The following GLG1 variants were observed in gnomAD, a reference collection of about 807,000 sequenced individuals.
The protein encoded by GLG1 is Golgi apparatus protein 1.
Under a neutral mutation model 160.5 loss-of-function variants are expected in GLG1, and 38 were observed. The ratio of observed to expected loss-of-function variants is 0.24; its 90% CI spans 0.18 to 0.31. The LOEUF (loss-of-function observed/expected upper bound fraction) is 0.31, where lower values mean the gene tolerates loss of function less well. Ranked by LOEUF, GLG1 falls within the 10% of genes least tolerant of loss-of-function variation. The pLI, the probability that GLG1 is intolerant of heterozygous loss-of-function variation, is 1.00. For synonymous variants in GLG1, 644 were observed against 543.4 expected (o/e 1.19, Z -2.57); for missense variants, 1,373 against 1,505.2 (o/e 0.91, Z 1.45).
chr16:74,573,660 C>T (rs2018903119), intron 1 of GLG1, among the ~76,000 whole-genome samples: 1 of 150,058 alleles, frequency 6.7e-6, no homozygotes, highest in African/African-American at 2.5e-5. Context: ...GGCTCAGCTT[C>T]CCCAGTAGCT....
chr16:74,458,532 A>T (rs1165605065), intron 23 of GLG1, among the ~76,000 whole-genome samples: 2 of 152,128 alleles, frequency 1.3e-5, no homozygotes, highest in East Asian at 1.9e-4. Flanking sequence ...AAAAAAAATT[A>T]GCTGGGCATA....
intron 1 of GLG1, among the ~76,000 whole-genome samples, chr16:74,563,621 C>T (rs896859357): frequency 6.7e-6 from 1 of 149,796 alleles, no homozygotes; most frequent in Non-Finnish European, 1.5e-5. Flanking sequence ...CAGCTATTTG[C>T]GAGGCTGAGG....
At chr16:74,463,510 A>G (rs2014882450) in intron 19 of GLG1, 31 bp from the exon 20 acceptor site, 1 of 1,610,498 alleles carries the variant, frequency 6.2e-7, no homozygotes, top group Non-Finnish European at 8.5e-7. Flanking sequence ...AAAAACAGCT[A>G]TCTAAACATG....
At chr16:74,463,147 T>G in intron 20 of GLG1, 1 of 560,938 alleles carries the variant, frequency 1.8e-6, no homozygotes, top group South Asian at 2.6e-5. Context: ...TTAGGGCAGT[T>G]TTCTGGTTCT....
In GLG1 at chr16:74,469,967, C is replaced by T. The variant is rs780793079; in HGVS notation, c.2318+18G>A. On this transcript the variant is annotated intron_variant, in intron 16 of 25. Coordinates refer to ENST00000422840, the MANE Select transcript of GLG1 (RefSeq NM_001145667.2). The stretch of plus-strand genomic sequence containing the variant: ...GGAACTTCGGGAAAGTGGAATGAAA[C>T]AACTACAAGCTACATACTTCTTTTT... 6.8e-7 allele frequency: 1 copy of T among 1,466,374 alleles called. No homozygotes were observed. The highest frequency in any genetic ancestry group is 9.6e-7 in the Non-Finnish European group (1 of 1,044,966). 90.8% of individuals were successfully genotyped at this position (1,466,374 alleles called of 1,614,324 possible).
chr16:74,589,283 A>C lies in GLG1; in HGVS notation c.438+17374T>G, dbSNP rs556304454. On this transcript the variant is annotated intron_variant, in intron 1 of 25. Transcript: ENST00000422840. ...AAAAAAAAAAAAGAACAATTATGTT[A>C]AACCATATGAAAATGTTTTTATAAG... 3.9e-5 allele frequency among the ~76,000 whole-genome samples: 6 copies of C among 152,240 alleles called. No individual in the cohort carries two copies. The South Asian group carries it at 6.2e-4, about 16-fold the overall frequency.
In GLG1 at chr16:74,467,682, A is replaced by G. The variant is rs540908476; in HGVS notation, c.2529+74T>C. 1.1e-5 allele frequency: 11 copies of G among 1,002,466 alleles called. No homozygotes were observed. In the African/African-American group the frequency reaches 1.4e-4, roughly 13 times the overall value. 62.1% of individuals were successfully genotyped at this position (1,002,466 alleles called of 1,614,324 possible). ...ATGACTAAAATGTTACCTTATGGGC[A>G]CTAGCTTTTGAGAAAACATTAAATA... On this transcript the variant is annotated intron_variant, in intron 18 of 25. Transcript: ENST00000422840.
chr16:74,564,361 G>A (rs1424942939), intron 1 of GLG1, among the ~76,000 whole-genome samples: 2 of 152,132 alleles, frequency 1.3e-5, no homozygotes, highest in Non-Finnish European at 2.9e-5. Flanking sequence ...GATTTTAGTT[G>A]GTTTGGTTCA....
chr16:74,569,507 C>A (rs1489870014), intron 1 of GLG1, among the ~76,000 whole-genome samples: 1 of 152,166 alleles, frequency 6.6e-6, no homozygotes, highest in East Asian at 1.9e-4. Flanking sequence ...GTTTCAAATA[C>A]ATCTCTAACA....
chr16:74,462,358 C>G (rs1490080970), intron 21 of GLG1, 130 bp downstream of exon 21: 3 of 892,134 alleles, frequency 3.4e-6, no homozygotes, highest in Non-Finnish European at 5.3e-6. Flanking sequence ...GGCCCCTTAG[C>G]CCCCCAGGTT....
rs890150995 is a variant in GLG1, at chr16:74,456,511, C to T, written c.3372+138G>A. ...TGCTAGTCTCACAATAAGGACAAGACCAGTGCGATATCTAAAAGAGGCTGG... is the reference window on the plus strand; with the variant it reads ...TGCTAGTCTCACAATAAGGACAAGATCAGTGCGATATCTAAAAGAGGCTGG... On this transcript the variant is annotated intron_variant, in intron 25 of 25. Coordinates refer to ENST00000422840, the MANE Select transcript of GLG1 (RefSeq NM_001145667.2). 3 of 668,540 alleles carry T rather than the reference C, an allele frequency of 4.5e-6. No individual in the cohort carries two copies. In the East Asian group the frequency reaches 7.9e-5, roughly 18 times the overall value. The allele number at this position is 668,540 out of a possible 1,614,324, so 41.4% of individuals were successfully genotyped here.
chr16:74,453,376 G>A, intron 25 of GLG1, 42 bp from the exon 26 acceptor site: 2 of 1,392,724 alleles, frequency 1.4e-6, no homozygotes, highest in Non-Finnish European at 2.0e-6. Flanking sequence ...AGAGAGCACT[G>A]GGCTGGTGGC....
intron 2 of GLG1, among the ~76,000 whole-genome samples, chr16:74,516,214 A>T (rs923148981): frequency 4.0e-5 from 6 of 151,816 alleles, no homozygotes; most frequent in African/African-American, 1.2e-4. Flanking sequence ...CCTAATAGAC[A>T]TCTACAGAAC....
At chr16:74,532,576 T>C (rs2549063) in intron 1 of GLG1, among the ~76,000 whole-genome samples, 103,070 of 151,720 alleles carry the variant, frequency 0.68, 35,259 homozygotes, top group East Asian at 0.81. Context: ...CAGGCTGCCA[T>C]GCAGTGGCGC....
chr16:74,518,809 G>A (rs1414164096), intron 2 of GLG1, among the ~76,000 whole-genome samples: 2 of 152,170 alleles, frequency 1.3e-5, no homozygotes, highest in Non-Finnish European at 2.9e-5. Context: ...GTGACAAAGG[G>A]CTAATATCCA....
At chr16:74,522,172 T>A (rs1434846576) in intron 2 of GLG1, among the ~76,000 whole-genome samples, 1 of 152,244 alleles carries the variant, frequency 6.6e-6, no homozygotes, top group African/African-American at 2.4e-5. Context: ...ATTCAAATAC[T>A]TATGAAAATG....
intron 23 of GLG1, 105 bp downstream of exon 23, chr16:74,459,577 A>C (rs2014701296): frequency 3.0e-6 from 2 of 673,544 alleles, no homozygotes; most frequent in South Asian, 3.5e-5. Flanking sequence ...CAGAAGGTTG[A>C]GATTTTTGGT....
At position 74,606,855 on chromosome 16, in the gene GLG1, T is replaced by TTGCTGCTGCTGCTGTTGCTGC. The variant is rs1555522512; in HGVS notation, c.219_239dup (p.Gln78_Gln84dup). 117 of 1,597,950 alleles carry TTGCTGCTGCTGCTGTTGCTGC rather than the reference T, an allele frequency of 7.3e-5. No individual in the cohort carries two copies. The East Asian group carries it at 1.4e-3, about 19-fold the overall frequency. On this transcript the variant is annotated inframe_insertion, in exon 1 of 26. Coordinates refer to ENST00000422840, the MANE Select transcript of GLG1 (RefSeq NM_001145667.2). ...GCGGCGGCTGAGGCTGCTGTTGCTG[T>TTGCTGCTGCTGCTGTTGCTGC]TGCTGCTGCTGCTGTTGCTGCTGAA...
chr16:74,470,225 T>G, intron 15 of GLG1, 152 bp from the exon 16 acceptor site: 1 of 629,254 alleles, frequency 1.6e-6, no homozygotes, highest in Non-Finnish European at 2.9e-6. Flanking sequence ...TGCTCATCTC[T>G]CCAGTACTCC....
Sources: gnomAD v4.1 joint callset for allele counts (sites outside exome capture counted in the v4.1 genomes callset) on GRCh38, gnomAD v4.1.1 for gene constraint, MANE v1.5 for transcripts, NCBI Gene and HGNC (gene_info 2026-07-23, HGNC 2026-07-21) for gene names.